Variants in SLC6A11 observed in about 807,000 individuals in gnomAD.
The protein encoded by SLC6A11 is sodium- and chloride-dependent GABA transporter 3.
SLC6A11 carries 25 observed loss-of-function variants against 74.8 expected under a neutral mutation model. The ratio of observed to expected loss-of-function variants is 0.33; its 90% CI spans 0.24 to 0.47. SLC6A11 has a LOEUF of 0.47. Ranked by LOEUF, SLC6A11 falls within the 20% of genes least tolerant of loss-of-function variation. The probability of loss-of-function intolerance (pLI) is 1.00; values close to 1 mark genes in which losing one functional copy is unlikely to be tolerated. For synonymous variants in SLC6A11, 330 were observed against 330.2 expected, an observed-to-expected ratio of 1.00 and a Z score of 0.01; for missense variants, 574 against 837.0, an observed-to-expected ratio of 0.69 and a Z score of 3.88.
At chr3:10,880,950 C>T (rs1444202619) in intron 6 of SLC6A11, among the ~76,000 whole-genome samples, 1 of 152,172 alleles carries the variant, frequency 6.6e-6, no homozygotes, top group Admixed American at 6.5e-5. Flanking sequence ...GGAGTCTCAC[C>T]TCTTCTGGGG....
intron 5 of SLC6A11, among the ~76,000 whole-genome samples, chr3:10,873,606 T>C (rs1368620480): frequency 7.4e-6 from 1 of 136,006 alleles, no homozygotes; most frequent in African/African-American, 3.0e-5. Context: ...TATCCTATCC[T>C]ATGCCATGCT....
chr3:10,859,464 T>C (rs751321443), intron 5 of SLC6A11, among the ~76,000 whole-genome samples: 6 of 152,106 alleles, frequency 3.9e-5, no homozygotes, highest in Admixed American at 1.3e-4. Context: ...TTAATGTCTG[T>C]GACTCTGCAA....
chr3:10,903,915 G>A (rs1477241686), intron 6 of SLC6A11, among the ~76,000 whole-genome samples: 5 of 152,220 alleles, frequency 3.3e-5, no homozygotes, highest in African/African-American at 4.8e-5. Flanking sequence ...GGAAAAAGAA[G>A]TAAAGCTTTC....
intron 5 of SLC6A11, among the ~76,000 whole-genome samples, chr3:10,854,946 T>C (rs1445842149): frequency 6.6e-6 from 1 of 151,808 alleles, no homozygotes; most frequent in Admixed American, 6.6e-5. Flanking sequence ...GATGGGTGCG[T>C]GAGTAGATGT....
At chr3:10,868,832 G>C (rs1268101805) in intron 5 of SLC6A11, among the ~76,000 whole-genome samples, 1 of 152,210 alleles carries the variant, frequency 6.6e-6, no homozygotes, top group Non-Finnish European at 1.5e-5. Flanking sequence ...ACTTTGTTAG[G>C]AAGCACCTTG....
intron 3 of SLC6A11, among the ~76,000 whole-genome samples, chr3:10,822,685 T>C (rs908593374): frequency 6.6e-6 from 1 of 152,122 alleles, no homozygotes; most frequent in African/African-American, 2.4e-5. Context: ...TTACTTGAGA[T>C]TAAATCTCCC....
intron 1 of SLC6A11, among the ~76,000 whole-genome samples, chr3:10,818,671 A>G (rs756714004): frequency 8.5e-5 from 13 of 152,190 alleles, no homozygotes; most frequent in Non-Finnish European, 1.3e-4. Context: ...GGCAAATAGC[A>G]TGTGTTTTCA....
intron 5 of SLC6A11, among the ~76,000 whole-genome samples, chr3:10,861,345 A>G (rs1694700872): frequency 2.0e-5 from 3 of 152,124 alleles, no homozygotes; most frequent in South Asian, 2.1e-4. Context: ...GCAAGACCCC[A>G]TGTCTACAAA....
intron 6 of SLC6A11, among the ~76,000 whole-genome samples, chr3:10,886,807 CAAAAAAAA>C (rs200743729): frequency 9.9e-6 from 1 of 101,194 alleles, no homozygotes; most frequent in African/African-American, 3.5e-5. Context: ...GACTCCATCT[CAAAAAAAA>C]AAAAAAAAAA....
At chr3:10,844,076 C>T in intron 4 of SLC6A11, 138 bp from the exon 5 acceptor site, 2 of 981,066 alleles carry the variant, frequency 2.0e-6, no homozygotes, top group Non-Finnish European at 3.0e-6. Context: ...GCCCCAAGTC[C>T]TCCCCAGAGG....
chr3:10,938,633 G>A lies in SLC6A11; in HGVS notation c.*231G>A, dbSNP rs536261106. 11 of 385,026 alleles carry A rather than the reference G, an allele frequency of 2.9e-5. No homozygotes were observed. In the South Asian group the frequency reaches 1.2e-3, roughly 41 times the overall value. The allele number at this position is 385,026 out of a possible 1,614,324, so 23.9% of individuals were successfully genotyped here. A position where few individuals can be genotyped will look rare whatever the true frequency, so the allele number is the denominator to read the frequency against. On this transcript the variant is annotated 3_prime_UTR_variant, in exon 14 of 14. Coordinates refer to ENST00000254488, the MANE Select transcript of SLC6A11 (RefSeq NM_014229.3). ...AAAGAGATAACACTGTACGGGGACT[G>A]CCAGATCTTCTGTCCTAGGGCAGTT...
intron 4 of SLC6A11, chr3:10,825,591 G>A (rs1694198201): frequency 6.6e-6 from 1 of 152,076 alleles, no homozygotes; most frequent in South Asian, 2.1e-4. Context: ...GGTTTGCACA[G>A]TTGGTGTCTT....
intron 5 of SLC6A11, among the ~76,000 whole-genome samples, chr3:10,867,233 A>T (rs1452565121): frequency 6.6e-6 from 1 of 152,150 alleles, no homozygotes; most frequent in Non-Finnish European, 1.5e-5. Context: ...CTTGAGGTTA[A>T]AAACAGCCAG....
intron 5 of SLC6A11, among the ~76,000 whole-genome samples, chr3:10,873,426 T>TATGCCATGCCATGCC (rs1559566678): frequency 2.0e-5 from 3 of 151,314 alleles, no homozygotes; most frequent in Admixed American, 6.6e-5. Flanking sequence ...TATCCTATCC[T>TATGCCATGCCATGCC]ATCCTATCCT....
In SLC6A11 at chr3:10,844,783, G is replaced by A. The variant is rs180905948; in HGVS notation, c.756+437G>A. ...GGGGTGTATTTCTCCCTCACCTGGAGTCTGGAGGGAAGAGCAGCTGCTTCA... is the reference window on the plus strand; with the variant it reads ...GGGGTGTATTTCTCCCTCACCTGGAATCTGGAGGGAAGAGCAGCTGCTTCA... On this transcript the variant is annotated intron_variant, in intron 5 of 13. Transcript: ENST00000254488. Among the ~76,000 whole-genome samples, 43 of 152,294 alleles carry A rather than the reference G, an allele frequency of 2.8e-4. 1 individual carries two copies. In the East Asian group the frequency reaches 4.2e-3, roughly 15 times the overall value.
chr3:10,907,782 C>T (rs907093619), intron 6 of SLC6A11, among the ~76,000 whole-genome samples: 97 of 152,258 alleles, frequency 6.4e-4, no homozygotes, highest in African/African-American at 2.0e-3. Flanking sequence ...AATTGCCTTT[C>T]GAGTATGAAA....
chr3:10,887,304 ATGGATG>A, intron 6 of SLC6A11, among the ~76,000 whole-genome samples: 1 of 142,546 alleles, frequency 7.0e-6, no homozygotes, highest in African/African-American at 2.6e-5. Flanking sequence ...TGGATGATGG[ATGGATG>A]GATGGATGGA....
chr3:10,912,027 G>A, intron 6 of SLC6A11, 63 bp from the exon 7 acceptor site: 1 of 1,112,966 alleles, frequency 9.0e-7, no homozygotes, highest in Non-Finnish European at 1.4e-6. Flanking sequence ...TCAGAGACCA[G>A]GGCTACCCTC....
In SLC6A11 at chr3:10,819,866, G is replaced by A; in HGVS notation, c.532+14G>A. On this transcript the variant is annotated intron_variant, in intron 3 of 13. Transcript: ENST00000254488. ...AGTGGAACACAGGTATGGCCCCACG[G>A]AGGTCTCTCTGCTGGTCCTGCTGGG... 6.2e-7 allele frequency: 1 copy of A among 1,612,866 alleles called. No individual in the cohort carries two copies. Among genetic ancestry groups the A allele is most frequent in the Non-Finnish European group, 8.5e-7 (1 of 1,179,438 alleles).
Sources: allele counts gnomAD v4.1 joint callset (sites outside exome capture counted in the v4.1 genomes callset), GRCh38; gene constraint gnomAD v4.1.1; transcripts MANE v1.5; gene names NCBI Gene and HGNC (gene_info 2026-07-23, HGNC 2026-07-21).